DLGAP2: variants seen among roughly 807,000 people sequenced by gnomAD.
DLGAP2 encodes the protein DLG associated protein 2.
In DLGAP2, 26 loss-of-function variants were observed where a neutral mutation model predicts 100.3. That is an observed-to-expected ratio of 0.26 (90% CI 0.19 to 0.36). DLGAP2 has a LOEUF of 0.36. Ranked by LOEUF, DLGAP2 falls within the 10% of genes least tolerant of loss-of-function variation. DLGAP2 has a pLI of 1.00. For missense variants in DLGAP2, 1,858 were observed against 1,453.2 expected (o/e 1.28, Z -4.53); for synonymous variants, 886 against 630.1 (o/e 1.41, Z -6.08).
Position 1,702,157 on chromosome 8 carries a change from A to G in DLGAP2, c.*751A>G, listed in dbSNP as rs977881006. 2.0e-5 allele frequency: 3 copies of G among 152,206 alleles called. No individual in the cohort carries two copies. The highest frequency in any genetic ancestry group is 7.2e-5 in the African/African-American group (3 of 41,446). The allele number at this position is 152,206 out of a possible 1,614,324, so 9.4% of individuals were successfully genotyped here. A position where few individuals can be genotyped will look rare whatever the true frequency, so the allele number is the denominator to read the frequency against. ...CCAGGAAGTCACGCGCAGAGAGGAG[A>G]GTCTTACGGAGGGCTGGGAGCTTAA... On this transcript the variant is annotated 3_prime_UTR_variant, in exon 15 of 15. Transcript: ENST00000637795.
rs1194967029 is a variant in DLGAP2, at chr8:1,387,372, GAAA to G, written c.107-113993_107-113991del. Among the ~76,000 whole-genome samples the G allele has an allele frequency of 9.2e-3, 1,404 of 152,324 alleles. 14 individuals carry two copies. The highest frequency in any genetic ancestry group is 0.049 in the South Asian group (239 of 4,830). ...GAATGGAATAAGTTCACAGAGAGTA[GAAA>G]CCCTGAATTGGGCAGTGGCCACGGG... On this transcript the variant is annotated intron_variant, in intron 3 of 14. Coordinates refer to ENST00000637795, the MANE Select transcript of DLGAP2 (RefSeq NM_001346810.2).
chr8:1,311,253 T>C (rs558935058), intron 3 of DLGAP2, among the ~76,000 whole-genome samples: 17 of 152,254 alleles, frequency 1.1e-4, no homozygotes, highest in African/African-American at 4.1e-4. Context: ...TCTCAACAGA[T>C]TTATAATAAG....
At chr8:1,358,353 G>C (rs566589197) in intron 3 of DLGAP2, among the ~76,000 whole-genome samples, 1 of 152,216 alleles carries the variant, frequency 6.6e-6, no homozygotes, top group South Asian at 2.1e-4. Context: ...ACGGGAAAAA[G>C]GCAGGATGGA....
chr8:1,390,487 G>A (rs759391479), intron 3 of DLGAP2, among the ~76,000 whole-genome samples: 6 of 152,142 alleles, frequency 3.9e-5, no homozygotes, highest in Non-Finnish European at 5.9e-5. Flanking sequence ...AGCCCTTCCT[G>A]TCCATTCTGG....
chr8:832,115 C>G (rs1563054511), intron 1 of DLGAP2, among the ~76,000 whole-genome samples: 1 of 151,940 alleles, frequency 6.6e-6, no homozygotes, highest in Non-Finnish European at 1.5e-5. Flanking sequence ...GGATATTAGA[C>G]CTTTGTCAGA....
rs1037273019 is a variant in DLGAP2 at position 1,130,738 on chromosome 8, G to C, written c.74-128113G>C. Among the ~76,000 whole-genome samples the C allele has an allele frequency of 6.6e-5, 10 of 152,352 alleles. No individual in the cohort carries two copies. The East Asian group carries it at 1.9e-3, about 29-fold the overall frequency. On this transcript the variant is annotated intron_variant, in intron 2 of 14. Transcript: ENST00000637795. Reference sequence around the variant, plus strand: ...GCGTCCCAAGACAGACCGCACCAGAGGCCTGATGTTTGGTGCAGTCATCTT... The same window carrying C: ...GCGTCCCAAGACAGACCGCACCAGACGCCTGATGTTTGGTGCAGTCATCTT...
At chr8:1,409,375 G>A (rs150279624) in intron 3 of DLGAP2, among the ~76,000 whole-genome samples, 2 of 152,190 alleles carry the variant, frequency 1.3e-5, no homozygotes, top group African/African-American at 2.4e-5. Flanking sequence ...CACCGTAGGC[G>A]CCCAGCTCTC....
chr8:841,685 G>A (rs1363386548), intron 1 of DLGAP2, among the ~76,000 whole-genome samples: 1 of 152,064 alleles, frequency 6.6e-6, no homozygotes, highest in Non-Finnish European at 1.5e-5. Flanking sequence ...GGGCTCAAGC[G>A]ATTCTCCTGC....
At chr8:1,525,180 G>A (rs1175428898) in intron 4 of DLGAP2, among the ~76,000 whole-genome samples, 2 of 143,908 alleles carry the variant, frequency 1.4e-5, no homozygotes, top group Non-Finnish European at 3.0e-5. Flanking sequence ...GTGTCTCTAG[G>A]ACTCTGATGT....
chr8:1,625,281 A>T (rs11786332), intron 6 of DLGAP2, among the ~76,000 whole-genome samples: 31,909 of 152,222 alleles, frequency 0.21, 4,104 homozygotes, highest in East Asian at 0.43. Flanking sequence ...ACAGCTTTTG[A>T]TAAAATAAAA....
At chr8:1,534,843 G>T (rs188768993) in intron 4 of DLGAP2, among the ~76,000 whole-genome samples, 2 of 152,176 alleles carry the variant, frequency 1.3e-5, no homozygotes, top group South Asian at 4.1e-4. Flanking sequence ...GTGTGCTTGC[G>T]TGTGTGTGAA....
intron 3 of DLGAP2, among the ~76,000 whole-genome samples, chr8:1,463,721 G>A (rs1028811156): frequency 3.9e-5 from 6 of 152,260 alleles, no homozygotes; most frequent in East Asian, 1.9e-4. Context: ...CACTGGCCAC[G>A]TTGAACATGG....
chr8:1,555,233 G>A (rs907665106), intron 5 of DLGAP2, among the ~76,000 whole-genome samples: 4 of 152,098 alleles, frequency 2.6e-5, no homozygotes, highest in Non-Finnish European at 5.9e-5. Context: ...GCAGCCCCTC[G>A]AGTTTCTGGT....
At chr8:1,433,318 G>C (rs974383674) in intron 3 of DLGAP2, among the ~76,000 whole-genome samples, 2 of 152,202 alleles carry the variant, frequency 1.3e-5, no homozygotes, top group Admixed American at 1.3e-4. Context: ...GTCCAGCTGT[G>C]GCCGTCAGGG....
At chr8:1,145,403 G>A (rs979319848) in intron 2 of DLGAP2, among the ~76,000 whole-genome samples, 29 of 152,182 alleles carry the variant, frequency 1.9e-4, no homozygotes, top group African/African-American at 7.0e-4. Context: ...TGGGGCCTGG[G>A]AGACCTGGCT....
At chr8:1,576,244 C>T (rs563717473) in intron 6 of DLGAP2, among the ~76,000 whole-genome samples, 6 of 152,306 alleles carry the variant, frequency 3.9e-5, no homozygotes, top group African/African-American at 1.2e-4. Flanking sequence ...TTTCATGTGT[C>T]TGTTGGCTGC....
intron 6 of DLGAP2, among the ~76,000 whole-genome samples, chr8:1,599,950 C>T (rs1413781588): frequency 6.6e-6 from 1 of 152,152 alleles, no homozygotes; most frequent in Non-Finnish European, 1.5e-5. Flanking sequence ...TTAATTGATG[C>T]AATTTCTTCA....
At chr8:1,030,001 C>T (rs997253641) in intron 2 of DLGAP2, among the ~76,000 whole-genome samples, 2 of 152,186 alleles carry the variant, frequency 1.3e-5, no homozygotes, top group African/African-American at 4.8e-5. Context: ...AGGCCCGGCC[C>T]TGCACCCAGG....
intron 1 of DLGAP2, among the ~76,000 whole-genome samples, chr8:790,258 A>G (rs1237760339): frequency 6.6e-6 from 1 of 152,186 alleles, no homozygotes; most frequent in African/African-American, 2.4e-5. Flanking sequence ...GACAAGCACC[A>G]TGCATTTCAA....
Sources: allele counts gnomAD v4.1 joint callset (sites outside exome capture counted in the v4.1 genomes callset), GRCh38; gene constraint gnomAD v4.1.1; transcripts MANE v1.5; gene names NCBI Gene and HGNC (gene_info 2026-07-23, HGNC 2026-07-21).